The following GRIN2A variants were observed in gnomAD, a reference collection of about 807,000 sequenced individuals.
GRIN2A encodes glutamate ionotropic receptor NMDA type subunit 2A.
A neutral mutation model predicts 113.4 loss-of-function variants in GRIN2A; 22 were observed. That is an observed-to-expected ratio of 0.19 (90% CI 0.14 to 0.28). GRIN2A has a LOEUF of 0.28. Among genes scored for constraint, GRIN2A ranks in the 10% least tolerant of loss-of-function variants. GRIN2A has a pLI of 1.00. For synonymous variants in GRIN2A, 827 were observed against 738.4 expected, an observed-to-expected ratio of 1.12 and a Z score of -1.94; for missense variants, 1,502 against 1,887.0, an observed-to-expected ratio of 0.80 and a Z score of 3.78.
chr16:9,914,452 C>G (rs2044202592), intron 3 of GRIN2A, among the ~76,000 whole-genome samples: 1 of 152,204 alleles, frequency 6.6e-6, no homozygotes, highest in Non-Finnish European at 1.5e-5. Flanking sequence ...AGCTGTGTGG[C>G]TGACAGGCCT....
At position 9,798,883 on chromosome 16, in the gene GRIN2A, T is replaced by C. The variant is rs187532314; in HGVS notation, c.2169-419A>G. On this transcript the variant is annotated intron_variant, in intron 10 of 12. Coordinates refer to ENST00000330684, the MANE Select transcript of GRIN2A (RefSeq NM_001134407.3). ...AAAGGAACTAAATAGGAATATTTTT[T>C]CCTCCCAAAAGAAATACATGTGCTG... Among the ~76,000 whole-genome samples, 65 of 152,294 alleles carry C rather than the reference T, an allele frequency of 4.3e-4. 1 individual carries two copies. Among genetic ancestry groups the C allele is most frequent in the African/African-American group, 1.3e-3 (56 of 41,566 alleles).
chr16:9,762,683 T>G lies in GRIN2A; in HGVS notation c.*466A>C, dbSNP rs1383004680. On this transcript the variant is annotated 3_prime_UTR_variant, in exon 13 of 13. Transcript: ENST00000330684. The stretch of plus-strand genomic sequence containing the variant: ...TCGCACTACAGTGCAGATGCATTCT[T>G]AACTGTTTTTATTTTGTCTGTGTCA... 1 of 286,956 alleles carries G rather than the reference T, an allele frequency of 3.5e-6. No individual in the cohort carries two copies. Among genetic ancestry groups the G allele is most frequent in the African/African-American group, 2.1e-5 (1 of 46,576 alleles). The allele number at this position is 286,956 out of a possible 1,614,324, so 17.8% of individuals were successfully genotyped here.
At chr16:10,118,183 G>T (rs2048764452) in intron 2 of GRIN2A, among the ~76,000 whole-genome samples, 1 of 152,186 alleles carries the variant, frequency 6.6e-6, no homozygotes, top group South Asian at 2.1e-4. Flanking sequence ...GGTACAGGAA[G>T]ACGTTCTCGA....
intron 2 of GRIN2A, among the ~76,000 whole-genome samples, chr16:10,102,328 G>A (rs564481666): frequency 1.3e-5 from 2 of 152,070 alleles, no homozygotes; most frequent in Admixed American, 1.3e-4. Context: ...GTGTGGCACT[G>A]ATCCCCTTTC....
intron 8 of GRIN2A, among the ~76,000 whole-genome samples, chr16:9,830,973 T>C (rs2042481895): frequency 6.6e-6 from 1 of 152,220 alleles, no homozygotes; most frequent in Non-Finnish European, 1.5e-5. Flanking sequence ...AGGAATCAGA[T>C]GTAGGCAGTT....
In GRIN2A at chr16:9,771,280, T is replaced by G. The variant is rs116644071; in HGVS notation, c.2357-2191A>C. 6.6e-3 allele frequency among the ~76,000 whole-genome samples: 1,003 copies of G among 152,186 alleles called. 13 individuals are homozygous for G. Among genetic ancestry groups the G allele is most frequent in the African/African-American group, 0.023 (941 of 41,524 alleles). On this transcript the variant is annotated intron_variant, in intron 11 of 12. Transcript: ENST00000330684. ...CTCTAGGTTATTTACCTTGTTTTAA[T>G]ATTTGCATTCTTTTTTCTCTCTGTG...
intron 2 of GRIN2A, among the ~76,000 whole-genome samples, chr16:9,972,286 G>T (rs1329321149): frequency 6.6e-6 from 1 of 152,052 alleles, no homozygotes; most frequent in Non-Finnish European, 1.5e-5. Flanking sequence ...TACTCTTTAA[G>T]GAAATATAAC....
intron 3 of GRIN2A, among the ~76,000 whole-genome samples, chr16:9,910,314 A>G (rs978671990): frequency 6.6e-6 from 1 of 152,116 alleles, no homozygotes; most frequent in Non-Finnish European, 1.5e-5. Flanking sequence ...AATGCACTTA[A>G]TGCCACTGAA....
chr16:9,942,570 G>C (rs923936283), intron 2 of GRIN2A, among the ~76,000 whole-genome samples: 5 of 152,036 alleles, frequency 3.3e-5, no homozygotes, highest in Non-Finnish European at 7.4e-5. Context: ...CCACATCCTC[G>C]GTCCTACAGA....
intron 12 of GRIN2A, among the ~76,000 whole-genome samples, chr16:9,766,820 G>A (rs537038504): frequency 1.3e-5 from 2 of 152,338 alleles, no homozygotes; most frequent in East Asian, 3.9e-4. Context: ...CCCTAGGGAT[G>A]GAGAGGCCAA....
At chr16:10,101,090 G>A (rs1298583876) in intron 2 of GRIN2A, among the ~76,000 whole-genome samples, 5 of 152,220 alleles carry the variant, frequency 3.3e-5, no homozygotes, top group African/African-American at 9.7e-5. Flanking sequence ...AGGGCATGAG[G>A]GGGACATGGG....
intron 2 of GRIN2A, among the ~76,000 whole-genome samples, chr16:10,058,968 G>A (rs981541672): frequency 4.6e-5 from 7 of 152,216 alleles, no homozygotes; most frequent in African/African-American, 1.7e-4. Context: ...ATGGGGAAAG[G>A]GGAGGTTCAC....
chr16:9,817,529 C>A (rs8058295), intron 10 of GRIN2A, among the ~76,000 whole-genome samples: 47,941 of 152,098 alleles, frequency 0.32, 8,439 homozygotes, highest in African/African-American at 0.48. Flanking sequence ...CTGAGTCTTC[C>A]TAAGTGTTTG....
intron 2 of GRIN2A, among the ~76,000 whole-genome samples, chr16:10,098,499 C>T (rs959180632): frequency 6.6e-6 from 1 of 152,166 alleles, no homozygotes; most frequent in Non-Finnish European, 1.5e-5. Context: ...AAGACATTTG[C>T]ACACACATGT....
intron 2 of GRIN2A, among the ~76,000 whole-genome samples, chr16:10,168,263 C>T (rs1241106237): frequency 6.6e-6 from 1 of 152,108 alleles, no homozygotes; most frequent in Non-Finnish European, 1.5e-5. Flanking sequence ...ATATCTTCTA[C>T]CTTCAGGATA....
At chr16:9,833,556 A>C (rs2141323702) in intron 8 of GRIN2A, among the ~76,000 whole-genome samples, 1 of 152,354 alleles carries the variant, frequency 6.6e-6, no homozygotes, top group East Asian at 1.9e-4. Flanking sequence ...ATTGAACATC[A>C]GTGGTTTTCA....
At chr16:10,161,322 G>A (rs1019277584) in intron 2 of GRIN2A, among the ~76,000 whole-genome samples, 2 of 152,162 alleles carry the variant, frequency 1.3e-5, no homozygotes, top group African/African-American at 4.8e-5. Flanking sequence ...CAGCCACACT[G>A]AACTGTGAGT....
intron 5 of GRIN2A, among the ~76,000 whole-genome samples, chr16:9,843,139 A>T (rs1448257166): frequency 6.6e-6 from 1 of 152,056 alleles, no homozygotes; most frequent in African/African-American, 2.4e-5. Context: ...AAGGAAAGAA[A>T]GAAAGAAGCA....
chr16:9,896,692 A>AT (rs1448396757), intron 3 of GRIN2A, among the ~76,000 whole-genome samples: 1 of 152,094 alleles, frequency 6.6e-6, no homozygotes, highest in Non-Finnish European at 1.5e-5. Context: ...GGAAAAAAAA[A>AT]CCTCTAACAG....
Sources: allele counts gnomAD v4.1 joint callset (sites outside exome capture counted in the v4.1 genomes callset), GRCh38; gene constraint gnomAD v4.1.1; transcripts MANE v1.5; gene names NCBI Gene and HGNC (gene_info 2026-07-23, HGNC 2026-07-21).